RASGRP3: variants seen among roughly 807,000 people sequenced by gnomAD.
RASGRP3 encodes the protein RAS guanyl releasing protein 3.
Under a neutral mutation model 82.7 loss-of-function variants are expected in RASGRP3, and 54 were observed. The observed-to-expected ratio is 0.65, with a 90% CI of 0.52 to 0.82. RASGRP3 has a LOEUF of 0.82. RASGRP3 is among the 40% of genes least tolerant of loss of function. The pLI, the probability that RASGRP3 is intolerant of heterozygous loss-of-function variation, is 0.00. For synonymous variants in RASGRP3, 309 were observed against 300.5 expected, an observed-to-expected ratio of 1.03 and a Z score of -0.29; for missense variants, 861 against 828.9, an observed-to-expected ratio of 1.04 and a Z score of -0.48.
chr2:33,484,873 A>T (rs915978884), intron 1 of RASGRP3, among the ~76,000 whole-genome samples: 1 of 152,150 alleles, frequency 6.6e-6, no homozygotes, highest in Admixed American at 6.5e-5. Flanking sequence ...TTTTCATCCA[A>T]TCACACTGTC....
At chr2:33,485,216 C>T (rs968516089) in intron 1 of RASGRP3, among the ~76,000 whole-genome samples, 1 of 152,128 alleles carries the variant, frequency 6.6e-6, no homozygotes, top group African/African-American at 2.4e-5. Flanking sequence ...CAACAAAACT[C>T]TATGAAAAGG....
At chr2:33,446,726 G>A (rs570305656) in intron 1 of RASGRP3, among the ~76,000 whole-genome samples, 90 of 152,156 alleles carry the variant, frequency 5.9e-4, no homozygotes, top group Middle Eastern at 3.4e-3. Context: ...GGGAATGTGT[G>A]CAATTTCACA....
intron 2 of RASGRP3, among the ~76,000 whole-genome samples, chr2:33,462,605 T>G (rs1243187339): frequency 6.6e-6 from 1 of 152,090 alleles, no homozygotes; most frequent in African/African-American, 2.4e-5. Flanking sequence ...TTCAAACTCC[T>G]GACCTCAGGT....
intron 1 of RASGRP3, among the ~76,000 whole-genome samples, chr2:33,488,179 CT>C (rs1558434870): frequency 6.6e-6 from 1 of 152,178 alleles, no homozygotes; most frequent in Non-Finnish European, 1.5e-5. Flanking sequence ...CAGCCACATC[CT>C]ACTACAAAAC....
intron 1 of RASGRP3, among the ~76,000 whole-genome samples, chr2:33,509,951 T>C (rs1000953275): frequency 6.6e-6 from 1 of 151,802 alleles, no homozygotes; most frequent in Non-Finnish European, 1.5e-5. Context: ...CACAGCACTT[T>C]AAAAAAAAAT....
intron 2 of RASGRP3, among the ~76,000 whole-genome samples, chr2:33,455,376 A>T (rs900762912): frequency 6.6e-6 from 1 of 152,256 alleles, no homozygotes; most frequent in African/African-American, 2.4e-5. Flanking sequence ...ATGTATAAGA[A>T]GCCACATCTT....
intron 1 of RASGRP3, among the ~76,000 whole-genome samples, chr2:33,505,550 C>G (rs1215846779): frequency 6.6e-6 from 1 of 152,186 alleles, no homozygotes; most frequent in Non-Finnish European, 1.5e-5. Context: ...GATCCGCCCA[C>G]AGCCTCTTAA....
At chr2:33,449,862 A>G (rs1191588028) in intron 2 of RASGRP3, among the ~76,000 whole-genome samples, 1 of 152,254 alleles carries the variant, frequency 6.6e-6, no homozygotes, top group Non-Finnish European at 1.5e-5. Context: ...TAGTAAAGAT[A>G]AGAAAGGTAT....
chr2:33,549,828 C>T (rs1313119706), intron 14 of RASGRP3, 77 bp downstream of exon 14: 1 of 1,467,230 alleles, frequency 6.8e-7, no homozygotes, highest in Non-Finnish European at 9.2e-7. Flanking sequence ...AAATGATACA[C>T]TAAATAAAGT....
intron 11 of RASGRP3, among the ~76,000 whole-genome samples, chr2:33,535,030 T>C (rs1443237393): frequency 6.6e-6 from 1 of 152,180 alleles, no homozygotes; most frequent in South Asian, 2.1e-4. Flanking sequence ...GAGTAATAAC[T>C]CATCTTAATG....
chr2:33,524,659 C>A, intron 9 of RASGRP3, 111 bp downstream of exon 9: 3 of 784,922 alleles, frequency 3.8e-6, no homozygotes, highest in South Asian at 1.9e-5. Flanking sequence ...TCCTCTTAAA[C>A]CAGTGGTAGG....
intron 2 of RASGRP3, among the ~76,000 whole-genome samples, chr2:33,458,779 AACATTTTTGTCCTTAATAGC>A (rs1666184739): frequency 6.6e-6 from 1 of 152,196 alleles, no homozygotes; most frequent in Non-Finnish European, 1.5e-5. Flanking sequence ...GTCCAACCTT[AACATTTTTGTCCTTAATAGC>A]ACATCAGTTC....
intron 1 of RASGRP3, among the ~76,000 whole-genome samples, chr2:33,507,453 G>A (rs1167247862): frequency 6.6e-6 from 1 of 152,144 alleles, no homozygotes. Flanking sequence ...AGTGGGGAAG[G>A]TGGGGATCAT....
At chr2:33,465,332 A>T (rs866525315) in intron 2 of RASGRP3, among the ~76,000 whole-genome samples, 37 of 152,328 alleles carry the variant, frequency 2.4e-4, no homozygotes, top group Middle Eastern at 6.8e-3. Context: ...GGAGGAAGCC[A>T]CAGATGAAAA....
upstream of RASGRP3, among the ~76,000 whole-genome samples, chr2:33,471,738 G>T (rs1475794345): frequency 1.3e-5 from 2 of 151,958 alleles, no homozygotes; most frequent in Non-Finnish European, 2.9e-5. Flanking sequence ...TTTTTCCATG[G>T]TTACTGATCT....
intron 11 of RASGRP3, among the ~76,000 whole-genome samples, chr2:33,538,387 C>T (rs1374971214): frequency 1.3e-5 from 2 of 151,866 alleles, no homozygotes; most frequent in African/African-American, 2.4e-5. Flanking sequence ...TCTGTAATAC[C>T]AGCTACTTGG....
chr2:33,519,279 C>A (rs1671772598), intron 4 of RASGRP3, among the ~76,000 whole-genome samples: 1 of 152,206 alleles, frequency 6.6e-6, no homozygotes. Flanking sequence ...TGGTGCATAA[C>A]TGTATAAGGC....
At chr2:33,553,347 A>G (rs1675562950) in intron 14 of RASGRP3, among the ~76,000 whole-genome samples, 1 of 152,122 alleles carries the variant, frequency 6.6e-6, no homozygotes, top group African/African-American at 2.4e-5. Context: ...GAAAAATATT[A>G]TTACCTACAC....
chr2:33,537,422 A>G (rs1376193677), intron 11 of RASGRP3, among the ~76,000 whole-genome samples: 1 of 149,426 alleles, frequency 6.7e-6, no homozygotes, highest in Admixed American at 6.8e-5. Flanking sequence ...GTACCGTGGC[A>G]ATCTCAGCTC....
Sources: allele counts gnomAD v4.1 joint callset (sites outside exome capture counted in the v4.1 genomes callset), GRCh38; gene constraint gnomAD v4.1.1; transcripts MANE v1.5; gene names NCBI Gene and HGNC (gene_info 2026-07-23, HGNC 2026-07-21).